The following DNAH5 variants were observed in gnomAD, a reference collection of about 807,000 sequenced individuals.
DNAH5 encodes dynein axonemal heavy chain 5.
A neutral mutation model predicts 518.2 loss-of-function variants in DNAH5; 372 were observed. That is an observed-to-expected ratio of 0.72 (90% CI 0.66 to 0.78). The LOEUF (loss-of-function observed/expected upper bound fraction) is 0.78, where lower values mean the gene tolerates loss of function less well. Ranked by LOEUF, DNAH5 falls within the 30% of genes least tolerant of loss-of-function variation. The pLI is 0.00. For synonymous variants in DNAH5, 2,039 were observed against 2,025.9 expected (o/e 1.01, Z -0.17); for missense variants, 5,523 against 5,687.0 (o/e 0.97, Z 0.93).
At position 13,691,700 on chromosome 5, in the gene DNAH5, A is replaced by G. The variant is rs1269185815; in HGVS notation, c.*284T>C. 1 of 404,182 alleles carries G rather than the reference A, an allele frequency of 2.5e-6. No homozygotes were observed. Among genetic ancestry groups the G allele is most frequent in the Non-Finnish European group, 4.6e-6 (1 of 218,672 alleles). 25.0% of individuals were successfully genotyped at this position (404,182 alleles called of 1,614,324 possible). A position where few individuals can be genotyped will look rare whatever the true frequency, so the allele number is the denominator to read the frequency against. On this transcript the variant is annotated 3_prime_UTR_variant, in exon 79 of 79. Coordinates refer to ENST00000265104, the MANE Select transcript of DNAH5 (RefSeq NM_001369.3). ...CCTAGTCAGTCTTCGGAGCGAAGTA[A>G]GAAGAAAATATACTACTGTGGATTT...
rs1327044106 is a variant in DNAH5, at chr5:13,876,819, T to G, written c.3263-2A>C. 1 of 1,612,834 alleles carries G rather than the reference T, an allele frequency of 6.2e-7. No homozygotes were observed. The highest frequency in any genetic ancestry group is 8.5e-7 in the Non-Finnish European group (1 of 1,179,472). On this transcript the variant is annotated splice_acceptor_variant, in intron 21 of 78. Coordinates refer to ENST00000265104, the MANE Select transcript of DNAH5 (RefSeq NM_001369.3). LOFTEE classifies it high-confidence loss of function. Reference sequence around the variant, plus strand: ...TTACAGATGCTATCTCCAAGGTATCTAAAAAGAAAAAAAGAAGAGAAAACT... The same window carrying G: ...TTACAGATGCTATCTCCAAGGTATCGAAAAAGAAAAAAAGAAGAGAAAACT...
Position 13,944,484 on chromosome 5 carries a change from CT to C in DNAH5, c.-47del. The C allele has an allele frequency of 6.4e-7, 1 of 1,563,584 alleles. No homozygotes were observed. The highest frequency in any genetic ancestry group is 1.1e-5 in the South Asian group (1 of 89,872). On this transcript the variant is annotated 5_prime_UTR_variant, in exon 1 of 79. Transcript: ENST00000265104. ...CTGGAGTCAGCTCTTCCGGAATGGT[CT>C]TCTAACTCCTGGCAGACCTGCTCAA... is the stretch of plus-strand genomic sequence containing the variant.
chr5:13,717,770 T>C (rs1744503741), intron 72 of DNAH5, among the ~76,000 whole-genome samples: 1 of 152,144 alleles, frequency 6.6e-6, no homozygotes, highest in Non-Finnish European at 1.5e-5. Context: ...CCTGCCAATC[T>C]AACAAGATCA....
chr5:13,938,124 C>T (rs1362187880), intron 1 of DNAH5, among the ~76,000 whole-genome samples: 2 of 152,144 alleles, frequency 1.3e-5, no homozygotes, highest in African/African-American at 4.8e-5. Context: ...TATGAACCAT[C>T]CCCTCATCCA....
intron 28 of DNAH5, among the ~76,000 whole-genome samples, 197 bp from the exon 29 acceptor site, chr5:13,862,944 G>A (rs1284916948): frequency 2.0e-5 from 3 of 151,586 alleles, no homozygotes; most frequent in African/African-American, 7.3e-5. Context: ...GAAGAGAGAT[G>A]GAGATAAAGA....
rs751209222 is a variant in DNAH5, at chr5:13,864,471, C to T, written c.4522G>A (p.Asp1508Asn). 3 of 1,614,174 alleles carry T rather than the reference C, an allele frequency of 1.9e-6. No homozygotes were observed. The South Asian group carries it at 3.3e-5, about 18-fold the overall frequency. ...RITTLTGHSLDVGNESFKLRN... is the reference protein window; with the variant it reads ...RITTLTGHSLNVGNESFKLRN... ...AACTTAAAGCTTTCATTCCCCACAT[C>T]CAGACTGTGCCCGGTGAGGGTGGTT... Residue 1508 changes from aspartate (D) to asparagine (N), a missense_variant, in exon 28 of 79, where the codon GAT (aspartate) becomes AAT (asparagine). Asp to Asn is a conservative substitution (Grantham distance 23, BLOSUM62 1). Around this residue, in one of 3 missense-constraint regions of DNAH5, gnomAD observed 5,121 missense variants for 5,223.3 expected, o/e 0.98. Transcript: ENST00000265104.
intron 47 of DNAH5, 32 bp from the exon 48 acceptor site, chr5:13,794,090 G>A: frequency 6.2e-7 from 1 of 1,613,632 alleles, no homozygotes; most frequent in South Asian, 1.1e-5. Flanking sequence ...AAACATCTGT[G>A]AAAATATCCC....
intron 1 of DNAH5, among the ~76,000 whole-genome samples, chr5:13,964,560 C>T (rs536931159): frequency 6.6e-6 from 1 of 152,304 alleles, no homozygotes; most frequent in South Asian, 2.1e-4. Context: ...TGACTCTCAG[C>T]CCTGCCTCAG....
chr5:13,807,359 A>C lies in DNAH5; in HGVS notation c.7887+232T>G, dbSNP rs546903188. 2.6e-5 allele frequency among the ~76,000 whole-genome samples: 4 copies of C among 152,328 alleles called. No homozygotes were observed. In the South Asian group the frequency reaches 8.3e-4, roughly 32 times the overall value. On this transcript the variant is annotated intron_variant, in intron 47 of 78. Transcript: ENST00000265104. ...TACATAGATATTTTAAACCGCATTG[A>C]GGCCTATAGCACCTTATATAAGCTT...
At chr5:13,712,388 A>T (rs1743608009) in intron 75 of DNAH5, among the ~76,000 whole-genome samples, 1 of 152,198 alleles carries the variant, frequency 6.6e-6, no homozygotes, top group Non-Finnish European at 1.5e-5. Context: ...CATTGGAAAA[A>T]CCCTTCTAGA....
At chr5:13,965,015 T>C (rs1781438132) in intron 1 of DNAH5, among the ~76,000 whole-genome samples, 1 of 152,210 alleles carries the variant, frequency 6.6e-6, no homozygotes, top group African/African-American at 2.4e-5. Flanking sequence ...GGGAAGCTCC[T>C]GTTCTTTGTT....
intron 70 of DNAH5, among the ~76,000 whole-genome samples, chr5:13,726,564 C>G (rs1253047174): frequency 6.6e-6 from 1 of 152,140 alleles, no homozygotes; most frequent in Non-Finnish European, 1.5e-5. Context: ...ATAAGGCAAC[C>G]ATTTCACAAT....
intron 78 of DNAH5, among the ~76,000 whole-genome samples, chr5:13,692,942 A>C (rs961698458): frequency 9.2e-5 from 14 of 152,172 alleles, no homozygotes; most frequent in African/African-American, 3.1e-4. Context: ...AAAAGGAGTA[A>C]AATTTATAAA....
intron 1 of DNAH5, among the ~76,000 whole-genome samples, chr5:13,971,503 T>C (rs1431714203): frequency 6.6e-6 from 1 of 152,144 alleles, no homozygotes; most frequent in African/African-American, 2.4e-5. Flanking sequence ...CCCCTAGGGA[T>C]AGGGCTTCCT....
At position 13,783,048 on chromosome 5, in the gene DNAH5, A is replaced by G. The variant is rs114648602; in HGVS notation, c.8821-2089T>C. Among the ~76,000 whole-genome samples the G allele has an allele frequency of 7.3e-3, 1,105 of 152,292 alleles. 16 individuals carry two copies. Among genetic ancestry groups the G allele is most frequent in the African/African-American group, 0.025 (1,057 of 41,564 alleles). ...GACAGGAGTGATGGCAACCAGAGAA[A>G]AGAATGCTGGGGAAACATCCCCGCC... On this transcript the variant is annotated intron_variant, in intron 52 of 78. Coordinates refer to ENST00000265104, the MANE Select transcript of DNAH5 (RefSeq NM_001369.3).
chr5:13,742,949 T>C (rs1345060040), intron 65 of DNAH5, among the ~76,000 whole-genome samples: 5 of 152,098 alleles, frequency 3.3e-5, no homozygotes, highest in Admixed American at 6.6e-5. Context: ...GTTGCTTGGT[T>C]TTTGTTCAAG....
intron 55 of DNAH5, 149 bp downstream of exon 55, chr5:13,776,290 G>T (rs1045811189): frequency 1.9e-5 from 20 of 1,037,126 alleles, no homozygotes; most frequent in Middle Eastern, 4.2e-4. Flanking sequence ...GAACACAAAT[G>T]CTGTCCATGA....
intron 17 of DNAH5, among the ~76,000 whole-genome samples, chr5:13,886,961 G>A (rs1260338891): frequency 1.3e-5 from 2 of 152,192 alleles, no homozygotes; most frequent in Non-Finnish European, 1.5e-5. Context: ...AGAAGTGCTT[G>A]TTATTATTAT....
chr5:13,937,429 A>T, intron 1 of DNAH5, among the ~76,000 whole-genome samples: 1 of 148,926 alleles, frequency 6.7e-6, no homozygotes, highest in African/African-American at 2.5e-5. Flanking sequence ...TTCTCACTGC[A>T]CTCCTGTGTC....
Sources: allele counts gnomAD v4.1 joint callset (sites outside exome capture counted in the v4.1 genomes callset), GRCh38; gene constraint gnomAD v4.1.1; regional missense constraint gnomAD v4.1.1; transcripts MANE v1.5; gene names NCBI Gene and HGNC (gene_info 2026-07-23, HGNC 2026-07-21).